Variants in TMC7 observed in about 807,000 individuals in gnomAD.
TMC7 encodes the protein transmembrane channel like 7, also known as transmembrane channel-like protein 7.
In TMC7, 54 loss-of-function variants were observed where a neutral mutation model predicts 82.9. That is an observed-to-expected ratio of 0.65 (90% confidence interval 0.52 to 0.82). The LOEUF is 0.82. Among genes scored for constraint, TMC7 ranks in the 40% least tolerant of loss-of-function variants. The probability of loss-of-function intolerance (pLI) is 0.00; values close to 1 mark genes in which losing one functional copy is unlikely to be tolerated. For synonymous variants in TMC7, 350 were observed against 337.9 expected, an observed-to-expected ratio of 1.04 and a Z score of -0.39; for missense variants, 820 against 901.2, an observed-to-expected ratio of 0.91 and a Z score of 1.15.
chr16:19,017,373 TTATTTAAAAATAATATTAAATTATAA>T (rs1346942643), intron 3 of TMC7, among the ~76,000 whole-genome samples: 1 of 149,168 alleles, frequency 6.7e-6, no homozygotes, highest in African/African-American at 2.4e-5. Flanking sequence ...TAAAATAGTA[TTATTTAAAAATAATATTAAATTATAA>T]TATTTTAATA....
In TMC7 at chr16:19,045,258, G is replaced by A. The variant is rs1596785620; in HGVS notation, c.1456-83G>A. The A allele has an allele frequency of 3.3e-5, 37 of 1,124,562 alleles. No individual in the cohort carries two copies. In the East Asian group the frequency reaches 8.5e-4, roughly 26 times the overall value. The allele number at this position is 1,124,562 out of a possible 1,614,324, so 69.7% of individuals were successfully genotyped here. ...GAGCCACAGGATCTGGAGTTGGAAA[G>A]GGAATTAGAAGGTGTCTTGGGAGCC... On this transcript the variant is annotated intron_variant, in intron 10 of 15. Transcript: ENST00000304381.
intron 1 of TMC7, among the ~76,000 whole-genome samples, chr16:19,005,244 C>T (rs1280934758): frequency 6.6e-6 from 1 of 152,068 alleles, no homozygotes; most frequent in Admixed American, 6.6e-5. Flanking sequence ...CACCCGCCAC[C>T]ATGCCCGGCT....
At chr16:19,004,104 C>T (rs774664825) in intron 1 of TMC7, among the ~76,000 whole-genome samples, 2 of 150,878 alleles carry the variant, frequency 1.3e-5, no homozygotes, top group African/African-American at 2.4e-5. Context: ...TGCAGGTTGG[C>T]GTGAGAAATG....
chr16:19,061,941 T>A lies in TMC7; in HGVS notation c.*98T>A. 1.0e-6 allele frequency: 1 copy of A among 982,454 alleles called. No homozygotes were observed. The highest frequency in any genetic ancestry group is 1.5e-6 in the Non-Finnish European group (1 of 670,874). The allele number at this position is 982,454 out of a possible 1,614,324, so 60.9% of individuals were successfully genotyped here. A position where few individuals can be genotyped will look rare whatever the true frequency, so the allele number is the denominator to read the frequency against. Reference sequence around the variant, plus strand: ...TCTACCTGGGTTTTGAGTGGACATTTAAAAATATATTTTTCTTGAGTTTAG... The same window carrying A: ...TCTACCTGGGTTTTGAGTGGACATTAAAAAATATATTTTTCTTGAGTTTAG... On this transcript the variant is annotated 3_prime_UTR_variant, in exon 16 of 16. Coordinates refer to ENST00000304381, the MANE Select transcript of TMC7 (RefSeq NM_024847.4).
rs762167845 is a variant in TMC7, at chr16:19,030,297, A to G, written c.785A>G (p.Tyr262Cys). ...IDGVKFQNFT[Y>C]DLPLAYLLST... Reference sequence around the variant, plus strand: ...GGGGTGAAATTTCAGAACTTCACCTATGATCTGCCCCTGGCGTATTTGTTA... The same window carrying G: ...GGGGTGAAATTTCAGAACTTCACCTGTGATCTGCCCCTGGCGTATTTGTTA... Residue 262 changes from tyrosine (Y) to cysteine (C), a missense_variant, in exon 6 of 16, where the codon TAT becomes TGT. Tyr to Cys is a radical substitution (Grantham distance 194). Coordinates refer to ENST00000304381, the MANE Select transcript of TMC7 (RefSeq NM_024847.4). The G allele has an allele frequency of 5.0e-6, 8 of 1,613,872 alleles. No homozygotes were observed. In the South Asian group the frequency reaches 6.6e-5, roughly 13 times the overall value.
intron 15 of TMC7, among the ~76,000 whole-genome samples, chr16:19,061,390 C>T (rs915519116): frequency 1.3e-5 from 2 of 152,112 alleles, no homozygotes; most frequent in African/African-American, 4.8e-5. Context: ...CTCAGGTGAT[C>T]CACCTGCCTT....
At chr16:19,061,457 G>C (rs957412732) in intron 15 of TMC7, among the ~76,000 whole-genome samples, 1 of 150,722 alleles carries the variant, frequency 6.6e-6, no homozygotes, top group Non-Finnish European at 1.5e-5. Flanking sequence ...CCTAATTTTT[G>C]TATTTTTAGT....
At chr16:18,988,674 C>T (rs1443808783) in intron 1 of TMC7, among the ~76,000 whole-genome samples, 3 of 152,190 alleles carry the variant, frequency 2.0e-5, no homozygotes, top group Non-Finnish European at 4.4e-5. Context: ...GATCTTCTTG[C>T]CTTGGCCTCC....
At chr16:18,985,984 G>A (rs1364493712) in intron 1 of TMC7, among the ~76,000 whole-genome samples, 2 of 151,894 alleles carry the variant, frequency 1.3e-5, no homozygotes, top group Non-Finnish European at 2.9e-5. Flanking sequence ...AGTAAGCTAT[G>A]ATTATGACAC....
At chr16:19,034,412 C>G (rs901291661) in intron 6 of TMC7, among the ~76,000 whole-genome samples, 3 of 148,588 alleles carry the variant, frequency 2.0e-5, no homozygotes, top group Non-Finnish European at 4.4e-5. Flanking sequence ...GCCTGGCCAA[C>G]CTGGTGAAAT....
At chr16:19,004,557 G>A (rs1301399724) in intron 1 of TMC7, among the ~76,000 whole-genome samples, 1 of 152,012 alleles carries the variant, frequency 6.6e-6, no homozygotes, top group African/African-American at 2.4e-5. Context: ...TAGAGACGGG[G>A]TTTCACCATG....
At chr16:19,013,493 A>G (rs555734971) in intron 2 of TMC7, among the ~76,000 whole-genome samples, 1 of 152,216 alleles carries the variant, frequency 6.6e-6, no homozygotes, top group East Asian at 1.9e-4. Flanking sequence ...CTGGGATTAC[A>G]GGCATGAGCC....
At chr16:19,056,085 TC>T (rs1196936843) in intron 13 of TMC7, among the ~76,000 whole-genome samples, 1 of 151,416 alleles carries the variant, frequency 6.6e-6, no homozygotes, top group African/African-American at 2.4e-5. Flanking sequence ...TTTCTTTCTT[TC>T]TTTCTTTCTT....
At chr16:19,046,148 CCTT>C (rs1961264738) in intron 11 of TMC7, among the ~76,000 whole-genome samples, 1 of 152,166 alleles carries the variant, frequency 6.6e-6, no homozygotes, top group African/African-American at 2.4e-5. Flanking sequence ...CTGGGGATGA[CCTT>C]CTGCCATCAG....
chr16:19,047,207 A>T lies in TMC7; in HGVS notation c.1698A>T (p.Ala566=). Residue 566 remains alanine (A), a synonymous_variant, in exon 12 of 16, where the codon GCA becomes GCT. Transcript: ENST00000304381. ...CCTTTTTCTCACCCCTTCTCCCTGCAATTGCAACCCTGAAATTCATTATCA... is the reference window on the plus strand; with the variant it reads ...CCTTTTTCTCACCCCTTCTCCCTGCTATTGCAACCCTGAAATTCATTATCA... ...IGAFFSPLLP[A]IATLKFIIIF... is the part of the protein sequence containing the mutation. 1 of 1,613,940 alleles carries T rather than the reference A, an allele frequency of 6.2e-7. No homozygotes were observed. Among genetic ancestry groups the T allele is most frequent in the East Asian group, 2.2e-5 (1 of 44,852 alleles).
rs1273706240 is a variant in TMC7 at position 18,988,369 on chromosome 16, G to C, written c.67+4239G>C. Among the ~76,000 whole-genome samples, 14 of 147,946 alleles carry C rather than the reference G, an allele frequency of 9.5e-5. No homozygotes were observed. The Admixed American group carries it at 9.5e-4, about 10-fold the overall frequency. On this transcript the variant is annotated intron_variant, in intron 1 of 15. Coordinates refer to ENST00000304381, the MANE Select transcript of TMC7 (RefSeq NM_024847.4). ...GATACTTCACCATGTTGGCCAGGCT[G>C]GTCTCGAACTCCTGACCTCAGGTGA...
rs898982359 is a variant in TMC7 at position 19,005,196 on chromosome 16, C to T, written c.68-3976C>T. The stretch of plus-strand genomic sequence containing the variant: ...CTCTGCCTCCTGGGTTCACGCCATT[C>T]TTCTGCTTCAGCCTCCCAAGTTAGC... On this transcript the variant is annotated intron_variant, in intron 1 of 15. Coordinates refer to ENST00000304381, the MANE Select transcript of TMC7 (RefSeq NM_024847.4). Among the ~76,000 whole-genome samples the T allele has an allele frequency of 2.6e-5, 4 of 152,084 alleles. No individual in the cohort carries two copies. In the East Asian group the frequency reaches 7.7e-4, roughly 29 times the overall value.
intron 9 of TMC7, among the ~76,000 whole-genome samples, chr16:19,044,597 C>G (rs529373159): frequency 1.3e-5 from 2 of 151,592 alleles, no homozygotes; most frequent in Admixed American, 1.3e-4. Context: ...GCCAGGAGTT[C>G]GAGACCACCT....
rs747697177 is a variant in TMC7 at position 19,038,012 on chromosome 16, G to T, written c.1144G>T (p.Val382Leu). 1 of 1,613,512 alleles carries T rather than the reference G, an allele frequency of 6.2e-7. No homozygotes were observed. Among genetic ancestry groups the T allele is most frequent in the Non-Finnish European group, 8.5e-7 (1 of 1,179,910 alleles). ...VLGACFYAIYVATVFSQEHMK... is the reference protein window; with the variant it reads ...VLGACFYAIYLATVFSQEHMK... ...AGGGGCATGCTTTTATGCAATATAC[G>T]TAGCAACTGTCTTCTCGCAAGAGCA... Residue 382 changes from valine (V) to leucine (L), a missense_variant, in exon 8 of 16, where the codon GTA becomes TTA. Transcript: ENST00000304381.
Sources: allele counts gnomAD v4.1 joint callset (sites outside exome capture counted in the v4.1 genomes callset), GRCh38; gene constraint gnomAD v4.1.1; transcripts MANE v1.5; gene names NCBI Gene and HGNC (gene_info 2026-07-23, HGNC 2026-07-21).